SIPA1L1: variants seen among roughly 807,000 people sequenced by gnomAD.
The protein encoded by SIPA1L1 is signal induced proliferation associated 1 like 1.
In SIPA1L1, 26 loss-of-function variants were observed where a neutral mutation model predicts 162.7. That is an observed-to-expected ratio of 0.16 (90% CI 0.12 to 0.22). The LOEUF is 0.22. Among genes scored for constraint, SIPA1L1 ranks in the 10% least tolerant of loss-of-function variants. SIPA1L1 has a pLI of 1.00. For synonymous variants in SIPA1L1, 829 were observed against 837.4 expected, an observed-to-expected ratio of 0.99 and a Z score of 0.17; for missense variants, 1,874 against 2,241.0, an observed-to-expected ratio of 0.84 and a Z score of 3.31.
chr14:71,327,331 G>A (rs1481190989), intron 2 of SIPA1L1, among the ~76,000 whole-genome samples: 3 of 152,174 alleles, frequency 2.0e-5, no homozygotes, highest in Non-Finnish European at 2.9e-5. Flanking sequence ...TGATCCGCCC[G>A]CCTCGGCCTC....
At chr14:71,661,798 G>A (rs2043543218) in intron 10 of SIPA1L1, among the ~76,000 whole-genome samples, 1 of 152,164 alleles carries the variant, frequency 6.6e-6, no homozygotes, top group African/African-American at 2.4e-5. Flanking sequence ...AGAGAAGAAC[G>A]ATTATAATAA....
intron 3 of SIPA1L1, among the ~76,000 whole-genome samples, chr14:71,521,467 T>C (rs2052346242): frequency 6.6e-6 from 1 of 152,138 alleles, no homozygotes. Flanking sequence ...CCTGCAGGTA[T>C]AGGGAGGGTA....
rs1489958715 is a variant in SIPA1L1 at position 71,723,810 on chromosome 14, G to A, written c.4372G>A (p.Ala1458Thr). The A allele has an allele frequency of 1.9e-6, 3 of 1,614,002 alleles. No homozygotes were observed. Among genetic ancestry groups the A allele is most frequent in the Admixed American group, 1.7e-5 (1 of 59,992 alleles). ...TAGGAGTTTTTACCCTCGCCAGGGCGCTACTAGCAAGTACCTGATTGGATG... is the reference window on the plus strand; with the variant it reads ...TAGGAGTTTTTACCCTCGCCAGGGCACTACTAGCAAGTACCTGATTGGATG... ...GPRSFYPRQG[A>T]TSKYLIGWKK... The change falls in exon 18 of 24, where the codon GCT (alanine) becomes ACT (threonine). Residue 1458 changes from alanine to threonine, a missense_variant. This residue lies in a region of SIPA1L1 where 936 missense variants were observed against 1,051.9 expected (regional missense o/e 0.89). Transcript: ENST00000381232.
chr14:71,731,646 T>C (rs1171347772), intron 20 of SIPA1L1, among the ~76,000 whole-genome samples: 2 of 152,244 alleles, frequency 1.3e-5, no homozygotes, highest in Admixed American at 1.3e-4. Context: ...TCTGCATGTG[T>C]CATATCAGAG....
intron 2 of SIPA1L1, among the ~76,000 whole-genome samples, chr14:71,373,695 T>TA: frequency 6.6e-6 from 1 of 151,962 alleles, no homozygotes; most frequent in Non-Finnish European, 1.5e-5. Context: ...TTTAAAAATG[T>TA]ATATACTTTT....
chr14:71,600,721 G>A (rs570616037), intron 5 of SIPA1L1, among the ~76,000 whole-genome samples: 3 of 152,202 alleles, frequency 2.0e-5, no homozygotes, highest in Non-Finnish European at 4.4e-5. Flanking sequence ...AATGGGCATG[G>A]GACATGTTTG....
intron 2 of SIPA1L1, among the ~76,000 whole-genome samples, chr14:71,489,191 G>A (rs967627725): frequency 2.0e-5 from 3 of 152,176 alleles, no homozygotes; most frequent in Non-Finnish European, 4.4e-5. Flanking sequence ...ATTGCCTTTA[G>A]AAAACTGACC....
At chr14:71,438,257 A>AC (rs558100575) in intron 2 of SIPA1L1, among the ~76,000 whole-genome samples, 208 of 151,938 alleles carry the variant, frequency 1.4e-3, no homozygotes, top group Non-Finnish European at 2.4e-3. Context: ...CCCACATTTC[A>AC]CCCCAGTTCC....
At chr14:71,534,383 T>C (rs537766291) in intron 4 of SIPA1L1, among the ~76,000 whole-genome samples, 5 of 152,344 alleles carry the variant, frequency 3.3e-5, no homozygotes, top group Non-Finnish European at 7.3e-5. Flanking sequence ...TATTTATTCG[T>C]GGCAGCAAAT....
rs775552780 is a variant in SIPA1L1 at position 71,618,844 on chromosome 14, A to G, written c.1586A>G (p.Asn529Ser). The G allele has an allele frequency of 8.1e-6, 13 of 1,614,084 alleles. No individual in the cohort carries two copies. The Admixed American group carries it at 1.3e-4, about 17-fold the overall frequency. Residue 529 changes from asparagine (N) to serine (S), a missense_variant, in exon 6 of 24, where the codon AAT (asparagine) becomes AGT (serine). Physicochemically the swap from Asn to Ser is conservative, Grantham distance 46. This residue lies in a region of SIPA1L1 where 685 missense variants were observed against 828.0 expected (regional missense o/e 0.83). Coordinates refer to ENST00000381232, the MANE Select transcript of SIPA1L1 (RefSeq NM_001386936.1). ...RREKPDEMKE[N>S]GSPYNYRIIF... Reference sequence around the variant, plus strand: ...GAAAAACCAGATGAAATGAAAGAAAATGGATCTCCGTACAACTACCGAATA... The same window carrying G: ...GAAAAACCAGATGAAATGAAAGAAAGTGGATCTCCGTACAACTACCGAATA...
In SIPA1L1 at chr14:71,542,652, CCCTCCTCCTCCTCCCT is replaced by C. The variant is rs1449511806; in HGVS notation, c.-303+13297_-303+13312del. ...CCCTTCTTCTTCCACTTCTTTCTTC[CCCTCCTCCTCCTCCCT>C]CCTCCTCCTCCTCCTTCCTTCTCCC... On this transcript the variant is annotated intron_variant, in intron 4 of 23. Transcript: ENST00000381232. 1.7e-3 allele frequency among the ~76,000 whole-genome samples: 154 copies of C among 90,034 alleles called. 1 individual carries two copies. Among genetic ancestry groups the C allele is most frequent in the African/African-American group, 5.8e-3 (146 of 25,140 alleles). 59.1% of individuals were successfully genotyped at this position (90,034 alleles called of 152,430 possible).
intron 2 of SIPA1L1, among the ~76,000 whole-genome samples, chr14:71,363,173 T>G (rs2037971601): frequency 6.6e-6 from 1 of 152,254 alleles, no homozygotes; most frequent in African/African-American, 2.4e-5. Context: ...ATCTGTTTTC[T>G]GTTTGCTTAA....
chr14:71,468,005 G>GGTGTGT lies in SIPA1L1; in HGVS notation c.-464-44701_-464-44696dup, dbSNP rs56265408. 4.5e-3 allele frequency among the ~76,000 whole-genome samples: 631 copies of GGTGTGT among 141,646 alleles called. 7 individuals are homozygous for GGTGTGT. The highest frequency in any genetic ancestry group is 0.011 in the Middle Eastern group (3 of 284). The allele number at this position is 141,646 out of a possible 152,430, so 92.9% of individuals were successfully genotyped here. ...CATAAAGGGGAAAAGCAGTTAGAGG[G>GGTGTGT]GTGTGTGTGTGTGTGTGTGTGTGTG... On this transcript the variant is annotated intron_variant, in intron 2 of 23. Transcript: ENST00000381232.
chr14:71,724,597 C>T, intron 18 of SIPA1L1, 73 bp from the exon 19 acceptor site: 3 of 1,230,152 alleles, frequency 2.4e-6, no homozygotes, highest in Non-Finnish European at 3.5e-6. Context: ...GACTTACATC[C>T]TTTAGAGCCC....
intron 2 of SIPA1L1, among the ~76,000 whole-genome samples, chr14:71,466,401 A>G (rs2046997632): frequency 6.6e-6 from 1 of 152,166 alleles, no homozygotes; most frequent in Non-Finnish European, 1.5e-5. Context: ...CCACACTGCA[A>G]ATTGTGCTTG....
chr14:71,435,440 C>T (rs1477019316), intron 2 of SIPA1L1, among the ~76,000 whole-genome samples: 1 of 151,944 alleles, frequency 6.6e-6, no homozygotes, highest in African/African-American at 2.4e-5. Context: ...GTTTTTTGTC[C>T]TTGTGATAGG....
intron 2 of SIPA1L1, among the ~76,000 whole-genome samples, chr14:71,436,787 CAG>C (rs1348348240): frequency 8.4e-6 from 1 of 119,422 alleles, no homozygotes; most frequent in African/African-American, 3.2e-5. Context: ...TTTTTTGAGA[CAG>C]AGTCTCACTC....
chr14:71,471,468 T>TG (rs1567068635), intron 2 of SIPA1L1, among the ~76,000 whole-genome samples: 1 of 152,072 alleles, frequency 6.6e-6, no homozygotes, highest in Non-Finnish European at 1.5e-5. Context: ...GACTCTGTCT[T>TG]GGGGGAAAAA....
At chr14:71,626,633 CATCT>C (rs2148649379) in intron 7 of SIPA1L1, among the ~76,000 whole-genome samples, 1 of 152,164 alleles carries the variant, frequency 6.6e-6, no homozygotes, top group South Asian at 2.1e-4. Flanking sequence ...TTTTAGTTTC[CATCT>C]GTGTCGTCAT....
Sources: gnomAD v4.1 joint callset for allele counts (sites outside exome capture counted in the v4.1 genomes callset) on GRCh38, gnomAD v4.1.1 for gene constraint, gnomAD v4.1.1 regional missense constraint, MANE v1.5 for transcripts, NCBI Gene and HGNC (gene_info 2026-07-23, HGNC 2026-07-21) for gene names.